TUSC3: variants seen among roughly 807,000 people sequenced by gnomAD.
TUSC3 encodes the protein dolichyl-diphosphooligosaccharide--protein glycosyltransferase subunit TUSC3.
A neutral mutation model predicts 44.8 loss-of-function variants in TUSC3; 45 were observed. The observed-to-expected ratio is 1.00, with a 90% CI of 0.79 to 1.29. The LOEUF (loss-of-function observed/expected upper bound fraction) is 1.29, where lower values mean the gene tolerates loss of function less well. Ranked by LOEUF, TUSC3 falls within the 50% of genes most tolerant of loss-of-function variation. The pLI, the probability that TUSC3 is intolerant of heterozygous loss-of-function variation, is 0.00. For synonymous variants in TUSC3, 212 were observed against 152.9 expected (o/e 1.39, Z -2.85); for missense variants, 519 against 437.9 (o/e 1.19, Z -1.65).
chr8:15,455,294 C>G (rs1056446990), intron 1 of TUSC3, among the ~76,000 whole-genome samples: 20 of 152,038 alleles, frequency 1.3e-4, no homozygotes, highest in African/African-American at 4.8e-4. Flanking sequence ...TTTCGGGAGG[C>G]AAGAGAAAAG....
At chr8:15,504,151 T>C (rs1015543791) in intron 2 of TUSC3, among the ~76,000 whole-genome samples, 1 of 151,986 alleles carries the variant, frequency 6.6e-6, no homozygotes, top group Admixed American at 6.6e-5. Context: ...AGGGTAGAGG[T>C]TAATAGTGTA....
the TUSC3 span, among the ~76,000 whole-genome samples, chr8:15,815,528 A>G: frequency 6.6e-6 from 1 of 152,150 alleles, no homozygotes; most frequent in Admixed American, 6.6e-5. Flanking sequence ...AAGCCAAAAC[A>G]ATATGTAGGA....
At chr8:15,756,041 C>T (rs557084432) in intron 9 of TUSC3, among the ~76,000 whole-genome samples, 4 of 152,110 alleles carry the variant, frequency 2.6e-5, no homozygotes, top group Non-Finnish European at 4.4e-5. Flanking sequence ...TGCTTCCTAA[C>T]TGTTCATTAG....
At chr8:15,650,411 G>A (rs1258498996) in intron 2 of TUSC3, among the ~76,000 whole-genome samples, 1 of 152,066 alleles carries the variant, frequency 6.6e-6, no homozygotes, top group Non-Finnish European at 1.5e-5. Flanking sequence ...TGTAGTTGCT[G>A]TCTTGTTGTT....
At chr8:15,707,718 A>G (rs917773098) in intron 6 of TUSC3, among the ~76,000 whole-genome samples, 2 of 152,006 alleles carry the variant, frequency 1.3e-5, no homozygotes, top group Non-Finnish European at 2.9e-5. Flanking sequence ...TGGGAATTTG[A>G]CATGTGCATC....
At chr8:15,655,112 T>C (rs1199187967) in intron 3 of TUSC3, among the ~76,000 whole-genome samples, 1 of 152,130 alleles carries the variant, frequency 6.6e-6, no homozygotes, top group Non-Finnish European at 1.5e-5. Flanking sequence ...GGATGTCAGG[T>C]GACCATCATG....
At chr8:15,815,481 A>G in the TUSC3 span, among the ~76,000 whole-genome samples, 2 of 152,180 alleles carry the variant, frequency 1.3e-5, no homozygotes, top group African/African-American at 4.8e-5. Context: ...AGGAGTTATT[A>G]AAACTTCTCC....
intron 2 of TUSC3, among the ~76,000 whole-genome samples, chr8:15,506,488 T>A (rs1038463446): frequency 3.3e-5 from 5 of 152,200 alleles, no homozygotes; most frequent in African/African-American, 9.7e-5. Context: ...CATGCTGTTA[T>A]GAAGAAATAC....
At chr8:15,650,965 G>C in intron 3 of TUSC3, 151 bp downstream of exon 3, 1 of 696,472 alleles carries the variant, frequency 1.4e-6, no homozygotes, top group Non-Finnish European at 2.6e-6. Context: ...ATTCCAGGTG[G>C]AGGACAGAGC....
the TUSC3 span, among the ~76,000 whole-genome samples, chr8:15,820,789 T>G: frequency 6.6e-6 from 1 of 152,206 alleles, no homozygotes; most frequent in Non-Finnish European, 1.5e-5. Context: ...GGAATTTTAT[T>G]TTGGAAAGGC....
chr8:15,829,998 T>C, the TUSC3 span, among the ~76,000 whole-genome samples: 3 of 152,280 alleles, frequency 2.0e-5, no homozygotes, highest in Admixed American at 1.3e-4. Flanking sequence ...CTGGCTGGTG[T>C]GAGATGGTGT....
chr8:15,483,922 G>A (rs535246572), intron 2 of TUSC3, among the ~76,000 whole-genome samples: 1 of 152,078 alleles, frequency 6.6e-6, no homozygotes, highest in Admixed American at 6.5e-5. Context: ...CTCCCAAAGT[G>A]CTGGGATTAC....
intron 1 of TUSC3, among the ~76,000 whole-genome samples, chr8:15,461,995 A>G (rs537376307): frequency 1.3e-5 from 2 of 152,180 alleles, no homozygotes; most frequent in African/African-American, 4.8e-5. Context: ...ATCACATCTT[A>G]TAATTGTTTT....
chr8:15,474,813 A>C (rs1168793448), intron 1 of TUSC3, among the ~76,000 whole-genome samples: 1 of 152,162 alleles, frequency 6.6e-6, no homozygotes, highest in African/African-American at 2.4e-5. Context: ...TCACAGTCCC[A>C]CTTCTCACAT....
intron 1 of TUSC3, among the ~76,000 whole-genome samples, chr8:15,547,961 G>C (rs913302403): frequency 7.3e-5 from 11 of 151,170 alleles, no homozygotes; most frequent in African/African-American, 2.4e-4. Flanking sequence ...ACTTTTTTCT[G>C]TTATTTTTAA....
At chr8:15,690,747 T>A (rs1003053112) in intron 6 of TUSC3, among the ~76,000 whole-genome samples, 3 of 152,168 alleles carry the variant, frequency 2.0e-5, no homozygotes, top group African/African-American at 7.2e-5. Flanking sequence ...CACCCCTTAC[T>A]GAATAGGGAA....
At chr8:15,459,735 C>T (rs186222076) in intron 1 of TUSC3, among the ~76,000 whole-genome samples, 176 of 152,128 alleles carry the variant, frequency 1.2e-3, no homozygotes, top group Admixed American at 2.0e-3. Flanking sequence ...TTTTTCCATT[C>T]CTAAATTACC....
At chr8:15,470,173 T>A (rs1800468948) in intron 1 of TUSC3, among the ~76,000 whole-genome samples, 1 of 150,298 alleles carries the variant, frequency 6.7e-6, no homozygotes, top group South Asian at 2.1e-4. Flanking sequence ...TACTTGGGAA[T>A]CTGAGGTGAA....
chr8:15,847,210 A>G, the TUSC3 span, among the ~76,000 whole-genome samples: 6 of 152,176 alleles, frequency 3.9e-5, no homozygotes, highest in African/African-American at 1.4e-4. Context: ...TGTAGCACAT[A>G]TGTGAGGGTG....
Sources: allele counts gnomAD v4.1 joint callset (sites outside exome capture counted in the v4.1 genomes callset), GRCh38; gene constraint gnomAD v4.1.1; transcripts MANE v1.5; gene names NCBI Gene and HGNC (gene_info 2026-07-23, HGNC 2026-07-21).